The following CECR2 variants were observed in gnomAD, a reference collection of about 807,000 sequenced individuals.
The protein encoded by CECR2 is chromatin remodeling regulator CECR2.
In CECR2, 30 loss-of-function variants were observed where a neutral mutation model predicts 154.5. The ratio of observed to expected loss-of-function variants is 0.19; its 90% CI spans 0.15 to 0.26. The LOEUF is 0.26. Among genes scored for constraint, CECR2 ranks in the 10% least tolerant of loss-of-function variants. The pLI, the probability that CECR2 is intolerant of heterozygous loss-of-function variation, is 1.00. For synonymous variants in CECR2, 725 were observed against 683.7 expected, an observed-to-expected ratio of 1.06 and a Z score of -0.94; for missense variants, 1,743 against 1,829.3, an observed-to-expected ratio of 0.95 and a Z score of 0.86.
chr22:17,548,410 A>C lies in CECR2; in HGVS notation c.3123A>C (p.Arg1041Ser). 6.2e-7 allele frequency: 1 copy of C among 1,613,976 alleles called. No individual in the cohort carries two copies. The highest frequency in any genetic ancestry group is 8.5e-7 in the Non-Finnish European group (1 of 1,179,868). ...YPGPAAQGCV[R>S]DLSTVADRGA... ...GCCCAGCCGCCCAAGGGTGCGTGAG[A>C]GACCTCTCCACGGTGGCAGACAGGG... Residue 1041 changes from arginine to serine, a missense_variant, in exon 17 of 19, where the codon AGA becomes AGC. Arg to Ser is a moderately radical substitution (Grantham distance 110). Around this residue, in one of 4 missense-constraint regions of CECR2, gnomAD observed 1,250 missense variants for 1,192.1 expected, o/e 1.05. Transcript: ENST00000262608.
At chr22:17,529,854 T>C (rs1174928517) in intron 9 of CECR2, among the ~76,000 whole-genome samples, 2 of 152,208 alleles carry the variant, frequency 1.3e-5, no homozygotes, top group Non-Finnish European at 2.9e-5. Flanking sequence ...CATAAGATAC[T>C]TACAATAACC....
At chr22:17,408,867 A>AGT (rs2054024715) in intron 1 of CECR2, among the ~76,000 whole-genome samples, 1 of 152,208 alleles carries the variant, frequency 6.6e-6, no homozygotes, top group South Asian at 2.1e-4. Context: ...GAATAGTCTA[A>AGT]GTCCCTTACC....
intron 1 of CECR2, among the ~76,000 whole-genome samples, chr22:17,413,885 G>A (rs1016993724): frequency 1.3e-5 from 2 of 149,366 alleles, no homozygotes; most frequent in African/African-American, 2.5e-5. Flanking sequence ...CACCATGGTA[G>A]CCAGGATGGT....
intron 1 of CECR2, among the ~76,000 whole-genome samples, chr22:17,442,793 C>A (rs1026341817): frequency 1.3e-5 from 2 of 152,104 alleles, no homozygotes; most frequent in African/African-American, 4.8e-5. Flanking sequence ...ATGATCCACC[C>A]TCCTCGGCCT....
intron 2 of CECR2, among the ~76,000 whole-genome samples, chr22:17,485,559 A>C (rs1286305537): frequency 1.3e-5 from 2 of 152,168 alleles, no homozygotes; most frequent in Admixed American, 6.5e-5. Flanking sequence ...ACATGAACTC[A>C]GGAGTTCGAG....
chr22:17,418,028 A>T (rs1462501949), intron 1 of CECR2, among the ~76,000 whole-genome samples: 1 of 152,220 alleles, frequency 6.6e-6, no homozygotes, highest in Non-Finnish European at 1.5e-5. Flanking sequence ...TATAATTTGT[A>T]TACAATTAAT....
At chr22:17,391,036 A>G (rs1443936151) in intron 1 of CECR2, among the ~76,000 whole-genome samples, 1 of 152,220 alleles carries the variant, frequency 6.6e-6, no homozygotes, top group Non-Finnish European at 1.5e-5. Flanking sequence ...CTTTTGCCAC[A>G]TTGGCTGAAC....
intron 7 of CECR2, 117 bp from the exon 8 acceptor site, chr22:17,511,696 C>A: frequency 1.3e-6 from 1 of 740,794 alleles, no homozygotes; most frequent in East Asian, 2.5e-5. Context: ...AGCCTTTGGC[C>A]CTAACCTGTG....
intron 13 of CECR2, among the ~76,000 whole-genome samples, chr22:17,539,428 ACCATCTGGGGAAGCTGG>A (rs1215913475): frequency 6.6e-6 from 1 of 152,142 alleles, no homozygotes; most frequent in Non-Finnish European, 1.5e-5. Context: ...TGACTCTTCA[ACCATCTGGGGAAGCTGG>A]CGTAGTAGAT....
chr22:17,519,242 GCTC>G (rs2056112657), intron 8 of CECR2, among the ~76,000 whole-genome samples: 2 of 151,708 alleles, frequency 1.3e-5, no homozygotes, highest in Admixed American at 1.3e-4. Context: ...TGCAGCCACT[GCTC>G]CTCCACCTCA....
At chr22:17,477,200 C>T in intron 1 of CECR2, 1 of 709,732 alleles carries the variant, frequency 1.4e-6, no homozygotes, top group Non-Finnish European at 2.6e-6. Flanking sequence ...ATTACATGAG[C>T]ACTCCTTTCC....
intron 1 of CECR2, among the ~76,000 whole-genome samples, chr22:17,420,677 G>GA (rs376376410): frequency 2.5e-4 from 38 of 149,486 alleles, no homozygotes; most frequent in African/African-American, 3.4e-4. Flanking sequence ...CTTTGTATTT[G>GA]AAAAAAAAAT....
intron 1 of CECR2, among the ~76,000 whole-genome samples, chr22:17,451,046 G>A (rs372225663): frequency 6.6e-6 from 1 of 152,200 alleles, no homozygotes. Context: ...TTCCCACTCC[G>A]TGTCAAAGAG....
chr22:17,523,004 C>CGAG (rs2056183668), intron 8 of CECR2, among the ~76,000 whole-genome samples: 1 of 131,420 alleles, frequency 7.6e-6, no homozygotes, highest in African/African-American at 2.7e-5. Flanking sequence ...GACTCCATCT[C>CGAG]GGGGGGAAAA....
At chr22:17,547,509 C>T (rs2056632707) in intron 16 of CECR2, among the ~76,000 whole-genome samples, 1 of 152,170 alleles carries the variant, frequency 6.6e-6, no homozygotes, top group Admixed American at 6.5e-5. Flanking sequence ...GGATTACAGG[C>T]GTGAGCCACC....
rs2056473255 is a variant in CECR2 at position 17,538,626 on chromosome 22, T to C, written c.1277-14T>C. On this transcript the variant is annotated splice_polypyrimidine_tract_variant and intron_variant, in intron 11 of 18. Coordinates refer to ENST00000262608, the MANE Select transcript of CECR2 (RefSeq NM_001290047.2). The stretch of plus-strand genomic sequence containing the variant: ...CCTCTGTGAGTGTGTTAAGATCTCT[T>C]CTCTGGCTTTCAGTTCTAGACGTGG... 6.2e-7 allele frequency: 1 copy of C among 1,613,976 alleles called. No individual in the cohort carries two copies. Among genetic ancestry groups the C allele is most frequent in the Non-Finnish European group, 8.5e-7 (1 of 1,179,832 alleles).
intron 1 of CECR2, among the ~76,000 whole-genome samples, chr22:17,389,527 T>G (rs1005665269): frequency 1.3e-5 from 2 of 152,114 alleles, no homozygotes; most frequent in Non-Finnish European, 2.9e-5. Flanking sequence ...CCCAGGTTGG[T>G]CTTGAACTCC....
At chr22:17,410,409 C>T (rs1001638369) in intron 1 of CECR2, among the ~76,000 whole-genome samples, 1 of 148,776 alleles carries the variant, frequency 6.7e-6, no homozygotes, top group African/African-American at 2.6e-5. Flanking sequence ...ACTTTCTGAT[C>T]CCCCTGTTTG....
At chr22:17,429,875 G>A (rs2054395092) in intron 1 of CECR2, among the ~76,000 whole-genome samples, 1 of 152,178 alleles carries the variant, frequency 6.6e-6, no homozygotes, top group South Asian at 2.1e-4. Context: ...TATGGCTGGT[G>A]GAAGACTAAG....
Sources: allele counts gnomAD v4.1 joint callset (sites outside exome capture counted in the v4.1 genomes callset), GRCh38; gene constraint gnomAD v4.1.1; regional missense constraint gnomAD v4.1.1; transcripts MANE v1.5; gene names NCBI Gene and HGNC (gene_info 2026-07-23, HGNC 2026-07-21).